Variants in C3orf20 observed in about 807,000 individuals in gnomAD.
C3orf20 encodes the protein family with sequence similarity 149 member C.
C3orf20 carries 76 observed loss-of-function variants against 88.3 expected under a neutral mutation model. The observed-to-expected ratio is 0.86, with a 90% confidence interval of 0.72 to 1.04. C3orf20 has a LOEUF of 1.04. Among genes scored for constraint, C3orf20 ranks in the 50% least tolerant of loss-of-function variants. The probability of loss-of-function intolerance (pLI) is 0.00; values close to 1 mark genes in which losing one functional copy is unlikely to be tolerated. For synonymous variants in C3orf20, 436 were observed against 437.4 expected (o/e 1.00, Z 0.04); for missense variants, 1,056 against 1,123.3 (o/e 0.94, Z 0.86).
At chr3:14,715,835 T>C (rs2033920073) in intron 9 of C3orf20, among the ~76,000 whole-genome samples, 1 of 152,054 alleles carries the variant, frequency 6.6e-6, no homozygotes, top group African/African-American at 2.4e-5. Flanking sequence ...TTATTATCTA[T>C]AAAATAAAAC....
At chr3:14,703,377 C>A in intron 6 of C3orf20, 115 bp downstream of exon 6, 1 of 1,516,640 alleles carries the variant, frequency 6.6e-7, no homozygotes. Flanking sequence ...GTGAGACATG[C>A]CACCTGGGAG....
chr3:14,695,298 C>G (rs1164588354), intron 5 of C3orf20, among the ~76,000 whole-genome samples: 1 of 152,012 alleles, frequency 6.6e-6, no homozygotes, highest in Non-Finnish European at 1.5e-5. Context: ...TATATAGTTT[C>G]CAAAATTCCT....
At chr3:14,706,254 G>A (rs1403992388) in intron 7 of C3orf20, among the ~76,000 whole-genome samples, 1 of 151,980 alleles carries the variant, frequency 6.6e-6, no homozygotes, top group East Asian at 1.9e-4. Flanking sequence ...CACTCTGCTC[G>A]GCCCTGCTTG....
intron 12 of C3orf20, among the ~76,000 whole-genome samples, chr3:14,753,096 C>G (rs941968837): frequency 2.6e-5 from 4 of 152,182 alleles, no homozygotes; most frequent in Non-Finnish European, 5.9e-5. Flanking sequence ...CCCAGACATC[C>G]ATCAATAATA....
chr3:14,678,467 G>T (rs1172995423), intron 1 of C3orf20, among the ~76,000 whole-genome samples: 1 of 152,212 alleles, frequency 6.6e-6, no homozygotes, highest in Non-Finnish European at 1.5e-5. Context: ...TTCTGTGTGT[G>T]TGTCTCCCCT....
At chr3:14,709,168 G>A (rs1227963211) in intron 7 of C3orf20, among the ~76,000 whole-genome samples, 1 of 152,158 alleles carries the variant, frequency 6.6e-6, no homozygotes. Context: ...TAAATGGAAA[G>A]ACATCTTGTG....
In C3orf20 at chr3:14,721,910, C is replaced by T. The variant is rs1358340407; in HGVS notation, c.1566+126C>T. On this transcript the variant is annotated intron_variant, in intron 10 of 16. Transcript: ENST00000253697. ...CTTCCATGCAAGGCCCTGCCTTTTC[C>T]TCTGCCATTATTCACCACCTACTCT... The T allele has an allele frequency of 8.1e-6, 10 of 1,240,574 alleles. No homozygotes were observed. In the East Asian group the frequency reaches 2.2e-4, roughly 27 times the overall value. The allele number at this position is 1,240,574 out of a possible 1,614,324, so 76.8% of individuals were successfully genotyped here.
In C3orf20 at chr3:14,723,777, G is replaced by GTTTTA. The variant is rs201184448; in HGVS notation, c.1566+2056_1566+2060dup. 7.4e-4 allele frequency among the ~76,000 whole-genome samples: 105 copies of GTTTTA among 142,772 alleles called. 1 individual carries two copies. The highest frequency in any genetic ancestry group is 1.4e-3 in the African/African-American group (55 of 38,440). The allele number at this position is 142,772 out of a possible 152,430, so 93.7% of individuals were successfully genotyped here. On this transcript the variant is annotated intron_variant, in intron 10 of 16. Coordinates refer to ENST00000253697, the MANE Select transcript of C3orf20 (RefSeq NM_032137.5). Reference sequence around the variant, plus strand: ...ACACTCTCACTCTAAAAGGCCATTGGTTTTATTTTATTTTATTTTATTTTA... The same window carrying GTTTTA: ...ACACTCTCACTCTAAAAGGCCATTGGTTTTATTTTATTTTATTTTATTTTATTTTA...
At chr3:14,741,696 G>A (rs2034904067) in intron 12 of C3orf20, among the ~76,000 whole-genome samples, 1 of 152,178 alleles carries the variant, frequency 6.6e-6, no homozygotes, top group South Asian at 2.1e-4. Flanking sequence ...TACTGAAGAG[G>A]TGTTACAGCT....
At chr3:14,679,118 T>C (rs997144532) in intron 1 of C3orf20, among the ~76,000 whole-genome samples, 1 of 152,242 alleles carries the variant, frequency 6.6e-6, no homozygotes, top group Admixed American at 6.5e-5. Context: ...TGGCAACTTC[T>C]TACTCATCTT....
In C3orf20 at chr3:14,772,014, G is replaced by C. The variant is rs1350348338; in HGVS notation, c.2496-53G>C. On this transcript the variant is annotated intron_variant, in intron 15 of 16. Transcript: ENST00000253697. The surrounding 1 kb of genome is among the most constrained non-coding windows in gnomAD (Gnocchi z 4.2). ...GCTCCCAGAACACTGATGGGACAGC[G>C]TGCAGTGCACCCTGGGCCCTGAGCA... The C allele has an allele frequency of 1.2e-6, 2 of 1,609,154 alleles. No individual in the cohort carries two copies. The highest frequency in any genetic ancestry group is 2.7e-5 in the African/African-American group (2 of 74,860).
intron 12 of C3orf20, among the ~76,000 whole-genome samples, chr3:14,749,733 T>G (rs2035165884): frequency 6.6e-6 from 1 of 151,838 alleles, no homozygotes; most frequent in African/African-American, 2.4e-5. Flanking sequence ...GAATTCCTTC[T>G]CATTTATTTT....
At chr3:14,760,125 C>T (rs2035514058) in intron 14 of C3orf20, 127 bp downstream of exon 14, 1 of 740,046 alleles carries the variant, frequency 1.4e-6, no homozygotes, top group African/African-American at 1.7e-5. Flanking sequence ...GGAATTATCT[C>T]CCCACCGTGG....
chr3:14,764,504 A>ATTGTTG lies in C3orf20; in HGVS notation c.2495+2891_2495+2892insGTTGTT, dbSNP rs1180584711. On this transcript the variant is annotated intron_variant, in intron 15 of 16. Transcript: ENST00000253697. ...GTTTATTATTATTATTATTATTATT[A>ATTGTTG]TTATTGTTGTTGTTGTTGTTGTTGT... 9.3e-3 allele frequency among the ~76,000 whole-genome samples: 1,380 copies of ATTGTTG among 148,934 alleles called. 24 individuals carry two copies. Among genetic ancestry groups the ATTGTTG allele is most frequent in the African/African-American group, 0.034 (1,318 of 38,902 alleles).
chr3:14,707,501 ATCT>A (rs2033562424), intron 7 of C3orf20, among the ~76,000 whole-genome samples: 1 of 137,174 alleles, frequency 7.3e-6, no homozygotes, highest in African/African-American at 2.8e-5. Context: ...GTTTTGGTGT[ATCT>A]TCTTTGGAGA....
chr3:14,686,011 G>A (rs1025453357), intron 4 of C3orf20, among the ~76,000 whole-genome samples: 30 of 152,186 alleles, frequency 2.0e-4, no homozygotes, highest in African/African-American at 6.3e-4. Context: ...ACAGGTGTGT[G>A]CCACAATGCT....
chr3:14,771,562 TGTAGAGGAACA>T (rs909281241), intron 15 of C3orf20, among the ~76,000 whole-genome samples: 1 of 152,250 alleles, frequency 6.6e-6, no homozygotes, highest in Admixed American at 6.5e-5. Context: ...ATTTCCCCTT[TGTAGAGGAACA>T]CCAGTTATGT....
intron 7 of C3orf20, among the ~76,000 whole-genome samples, chr3:14,705,891 T>C (rs936282081): frequency 6.6e-6 from 1 of 152,212 alleles, no homozygotes; most frequent in Non-Finnish European, 1.5e-5. Context: ...AAGCTAGGCC[T>C]TGGTTCATGG....
In C3orf20 at chr3:14,726,907, C is replaced by A. The variant is rs745757801; in HGVS notation, c.1573C>A (p.Arg525Ser). The A allele has an allele frequency of 6.2e-7, 1 of 1,614,002 alleles. No homozygotes were observed. The highest frequency in any genetic ancestry group is 1.1e-5 in the South Asian group (1 of 91,074). ...CCCCTTTGCCCCTCTCCAGCTGAAC[C>A]GCAGAATCAGCAACATGGACGACAA... ...HGMAYDKRLNRRISNMDDKVY... is the reference protein window; with the variant it reads ...HGMAYDKRLNSRISNMDDKVY... Residue 525 changes from arginine (R) to serine (S), a missense_variant, in exon 11 of 17, where the codon CGC (arginine) becomes AGC (serine). Arg to Ser is a moderately radical substitution (Grantham distance 110). Coordinates refer to ENST00000253697, the MANE Select transcript of C3orf20 (RefSeq NM_032137.5).
Sources: gnomAD v4.1 joint callset for allele counts (sites outside exome capture counted in the v4.1 genomes callset) on GRCh38, gnomAD v4.1.1 for gene constraint, Gnocchi (gnomAD v3.1) non-coding constraint, MANE v1.5 for transcripts, NCBI Gene and HGNC (gene_info 2026-07-23, HGNC 2026-07-21) for gene names.